The following MCF2L2 variants were observed in gnomAD, a reference collection of about 807,000 sequenced individuals.
MCF2L2 encodes MCF.2 cell line derived transforming sequence-like 2.
In MCF2L2, 102 loss-of-function variants were observed where a neutral mutation model predicts 150.2. That is an observed-to-expected ratio of 0.68 (90% CI 0.58 to 0.80). The LOEUF (loss-of-function observed/expected upper bound fraction) is 0.80, where lower values mean the gene tolerates loss of function less well. MCF2L2 is among the 30% of genes least tolerant of loss of function. The probability of loss-of-function intolerance (pLI) is 0.00; values close to 1 mark genes in which losing one functional copy is unlikely to be tolerated. For synonymous variants in MCF2L2, 465 were observed against 491.3 expected, an observed-to-expected ratio of 0.95 and a Z score of 0.71; for missense variants, 1,256 against 1,372.8, an observed-to-expected ratio of 0.91 and a Z score of 1.34.
chr3:183,252,403 A>C (rs1724593831), intron 15 of MCF2L2, among the ~76,000 whole-genome samples: 1 of 152,248 alleles, frequency 6.6e-6, no homozygotes, highest in Non-Finnish European at 1.5e-5. Context: ...TGCCCTGTGT[A>C]GGCAGCATAT....
Position 183,365,601 on chromosome 3 carries a change from C to T in MCF2L2, c.275+13696G>A, listed in dbSNP as rs549749929. Among the ~76,000 whole-genome samples, 44 of 152,178 alleles carry T rather than the reference C, an allele frequency of 2.9e-4. 1 individual carries two copies. The highest frequency in any genetic ancestry group is 3.4e-3 in the Middle Eastern group (1 of 294). Reference sequence around the variant, plus strand: ...GATAAACTTGGATCTATACTTCATACCAACCACAAACAATCTCATCAGAGC... The same window carrying T: ...GATAAACTTGGATCTATACTTCATATCAACCACAAACAATCTCATCAGAGC... On this transcript the variant is annotated intron_variant, in intron 3 of 29. Coordinates refer to ENST00000328913, the MANE Select transcript of MCF2L2 (RefSeq NM_015078.4).
intron 3 of MCF2L2, chr3:183,374,908 A>C (rs1560046384): frequency 1.3e-5 from 2 of 152,148 alleles, no homozygotes; most frequent in Non-Finnish European, 2.9e-5. Context: ...GGAGAGTGAA[A>C]GTGACACAAT....
chr3:183,372,358 A>G (rs1712938568), intron 3 of MCF2L2: 1 of 152,184 alleles, frequency 6.6e-6, no homozygotes, highest in Admixed American at 6.5e-5. Flanking sequence ...CTTATCATAA[A>G]AAGAGGACAC....
At chr3:183,381,422 A>G (rs1713517633) in intron 2 of MCF2L2, among the ~76,000 whole-genome samples, 1 of 152,212 alleles carries the variant, frequency 6.6e-6, no homozygotes, top group East Asian at 1.9e-4. Context: ...CCACTGTAAG[A>G]TCATCCAGCC....
intron 2 of MCF2L2, among the ~76,000 whole-genome samples, chr3:183,382,591 C>A (rs1348193571): frequency 6.6e-6 from 1 of 152,126 alleles, no homozygotes; most frequent in African/African-American, 2.4e-5. Context: ...GTGCCACCTT[C>A]TGAGGAAACG....
rs374605194 is a variant in MCF2L2, at chr3:183,279,156, A to AAC, written c.1777-2201_1777-2200dup. Among the ~76,000 whole-genome samples, 1,476 of 150,260 alleles carry AAC rather than the reference A, an allele frequency of 9.8e-3. 11 individuals are homozygous for AAC. Among genetic ancestry groups the AAC allele is most frequent in the Middle Eastern group, 0.017 (5 of 292 alleles). The stretch of plus-strand genomic sequence containing the variant: ...TGACCACAACTCACAAGAAGTACAT[A>AAC]ACACACACACACACACACATACACA... On this transcript the variant is annotated intron_variant, in intron 14 of 29. Coordinates refer to ENST00000328913, the MANE Select transcript of MCF2L2 (RefSeq NM_015078.4).
At chr3:183,338,528 G>A (rs1730579132) in intron 5 of MCF2L2, among the ~76,000 whole-genome samples, 1 of 150,976 alleles carries the variant, frequency 6.6e-6, no homozygotes. Context: ...TCCAAAACCT[G>A]CCTCCTCACA....
At chr3:183,289,052 T>A (rs1333042795) in intron 14 of MCF2L2, 68 bp downstream of exon 14, 3 of 1,022,364 alleles carry the variant, frequency 2.9e-6, no homozygotes, top group Non-Finnish European at 4.6e-6. Flanking sequence ...TGTTGATTTA[T>A]TGATAATTGT....
At chr3:183,379,242 G>A (rs558366679) in intron 3 of MCF2L2, 55 bp downstream of exon 3, 2 of 1,301,946 alleles carry the variant, frequency 1.5e-6, no homozygotes, top group South Asian at 2.6e-5. Context: ...CTGCCACATG[G>A]GAAGTGTGGA....
intron 2 of MCF2L2, among the ~76,000 whole-genome samples, chr3:183,389,407 G>A (rs888987840): frequency 1.3e-5 from 2 of 152,222 alleles, no homozygotes; most frequent in African/African-American, 4.8e-5. Context: ...GCTGATGTCA[G>A]TAGTTGTCTC....
intron 15 of MCF2L2, among the ~76,000 whole-genome samples, chr3:183,252,086 T>C (rs1317487162): frequency 6.6e-6 from 1 of 151,310 alleles, no homozygotes; most frequent in African/African-American, 2.4e-5. Context: ...TACAGTTCTA[T>C]GTGCTCATGT....
chr3:183,379,309 G>A lies in MCF2L2; in HGVS notation c.263C>T (p.Thr88Ile). ...EDFLNVMTYLTSIPSVEAASI... is the reference protein window; with the variant it reads ...EDFLNVMTYLISIPSVEAASI... ...GTGCTCAGCTCACCTGGGGATGCTA[G>A]TCAGGTAGGTCATGACATTCAGGAA... The change falls in exon 3 of 30, where the codon ACT becomes ATT. Residue 88 changes from threonine to isoleucine, a missense_variant. Transcript: ENST00000328913. 2 of 1,608,236 alleles carry A rather than the reference G, an allele frequency of 1.2e-6. No homozygotes were observed. Among genetic ancestry groups the A allele is most frequent in the Non-Finnish European group, 1.7e-6 (2 of 1,177,502 alleles).
intron 27 of MCF2L2, among the ~76,000 whole-genome samples, chr3:183,187,156 A>G (rs1721726717): frequency 6.6e-6 from 1 of 152,224 alleles, no homozygotes; most frequent in Non-Finnish European, 1.5e-5. Context: ...AGATAATGAA[A>G]GTAACTAAAT....
rs746462556 is a variant in MCF2L2 at position 183,206,183 on chromosome 3, C to T, written c.2744G>A (p.Arg915Lys). 6.2e-7 allele frequency: 1 copy of T among 1,614,158 alleles called. No individual in the cohort carries two copies. The highest frequency in any genetic ancestry group is 8.5e-7 in the Non-Finnish European group (1 of 1,180,000). ...AATCTCAAACTTTCTATGGCTCCCC[C>T]TTCCAAGCTGGCGAATTGAAAGTGT... Reference protein sequence around the residue: ...LMTLSIRQLGRGSHRKFEIAS... With the variant: ...LMTLSIRQLGKGSHRKFEIAS... Residue 915 changes from arginine (R) to lysine (K), a missense_variant, in exon 24 of 30, where the codon AGG becomes AAG. Coordinates refer to ENST00000328913, the MANE Select transcript of MCF2L2 (RefSeq NM_015078.4).
intron 14 of MCF2L2, 148 bp from the exon 15 acceptor site, chr3:183,277,105 T>C (rs1577015702): frequency 4.9e-6 from 3 of 614,892 alleles, no homozygotes. Flanking sequence ...TCTCAGGTTT[T>C]CCCCAGCCAC....
Position 183,427,916 on chromosome 3 carries a change from A to C in MCF2L2, c.62T>G (p.Val21Gly), listed in dbSNP as rs768574033. 6.2e-7 allele frequency: 1 copy of C among 1,613,870 alleles called. No homozygotes were observed. The highest frequency in any genetic ancestry group is 1.3e-5 in the African/African-American group (1 of 74,936). The change falls in exon 1 of 30, where the codon GTG (valine) becomes GGG (glycine). Residue 21 changes from valine to glycine, a missense_variant. Transcript: ENST00000328913. ...GCTTCGTTTACCGACATGAGTGATCACTGTGGCCAGTCGCCGGGTGAGCTC... is the reference window on the plus strand; with the variant it reads ...GCTTCGTTTACCGACATGAGTGATCCCTGTGGCCAGTCGCCGGGTGAGCTC... ...PQELTRRLATVITHVDEIMQQ... is the reference protein window; with the variant it reads ...PQELTRRLATGITHVDEIMQQ...
intron 25 of MCF2L2, among the ~76,000 whole-genome samples, chr3:183,203,212 CAAAAAAGAAA>C (rs1010667725): frequency 5.4e-5 from 8 of 147,924 alleles, no homozygotes; most frequent in African/African-American, 2.0e-4. Flanking sequence ...GACTCTGTCT[CAAAAAAGAAA>C]AAAAAAGAAA....
rs1228460119 is a variant in MCF2L2 at position 183,207,625 on chromosome 3, A to G, written c.2695T>C (p.Phe899Leu). Residue 899 changes from phenylalanine to leucine, a missense_variant, in exon 23 of 30, where the codon TTC (phenylalanine) becomes CTC (leucine). Phe to Leu is a conservative substitution (Grantham distance 22). Coordinates refer to ENST00000328913, the MANE Select transcript of MCF2L2 (RefSeq NM_015078.4). ...CCCTTTACCTTCATGGTCTTCTTGA[A>G]GCTGTAATGAGGAGATAATCCCTGG... is the stretch of plus-strand genomic sequence containing the variant. The part of the protein sequence containing the change: ...GDQGLSPHYS[F>L]KKTMKLMTLS... The G allele has an allele frequency of 6.2e-7, 1 of 1,613,866 alleles. No individual in the cohort carries two copies. The highest frequency in any genetic ancestry group is 8.5e-7 in the Non-Finnish European group (1 of 1,179,734).
At chr3:183,375,321 T>A (rs1167065024) in intron 3 of MCF2L2, 1 of 152,188 alleles carries the variant, frequency 6.6e-6, no homozygotes, top group Non-Finnish European at 1.5e-5. Flanking sequence ...TTTCACTGCA[T>A]TTTGTGACTC....
Sources: allele counts gnomAD v4.1 joint callset (sites outside exome capture counted in the v4.1 genomes callset), GRCh38; gene constraint gnomAD v4.1.1; transcripts MANE v1.5; gene names NCBI Gene and HGNC (gene_info 2026-07-23, HGNC 2026-07-21).